Variants in SHISA6 observed in about 807,000 individuals in gnomAD.
SHISA6 encodes the protein protein shisa-6.
In SHISA6, 22 loss-of-function variants were observed where a neutral mutation model predicts 47.9. The observed-to-expected ratio is 0.46, with a 90% CI of 0.33 to 0.66. SHISA6 has a LOEUF of 0.66. Ranked by LOEUF, SHISA6 falls within the 30% of genes least tolerant of loss-of-function variation. The pLI is 0.02. For synonymous variants in SHISA6, 388 were observed against 337.8 expected (o/e 1.15, Z -1.63); for missense variants, 680 against 764.6 (o/e 0.89, Z 1.30).
rs562919042 is a variant in SHISA6, at chr17:11,533,778, G to C, written c.896-18118G>C. 4.7e-5 allele frequency among the ~76,000 whole-genome samples: 7 copies of C among 149,794 alleles called. No homozygotes were observed. In the East Asian group the frequency reaches 1.4e-3, roughly 31 times the overall value. On this transcript the variant is annotated intron_variant, in intron 3 of 5. Coordinates refer to ENST00000441885, the MANE Select transcript of SHISA6 (RefSeq NM_207386.4). ...TGGCTAATTTTTTGTATTTTTAGTA[G>C]AGACGGGGTTTCACTGTGTTAGCCA...
At position 11,362,917 on chromosome 17, in the gene SHISA6, G is replaced by A. The variant is rs1343972935; in HGVS notation, c.800-16497G>A. Among the ~76,000 whole-genome samples, 5 of 152,172 alleles carry A rather than the reference G, an allele frequency of 3.3e-5. No homozygotes were observed. In the East Asian group the frequency reaches 9.6e-4, roughly 29 times the overall value. ...TTTTACTTAAATTGCTCTGTTAGAA[G>A]GAGTTCTGAACCTTAAACTCCTTGT... On this transcript the variant is annotated intron_variant, in intron 2 of 5. Transcript: ENST00000441885.
At chr17:11,347,330 G>T (rs895576821) in intron 2 of SHISA6, among the ~76,000 whole-genome samples, 4 of 152,134 alleles carry the variant, frequency 2.6e-5, no homozygotes, top group African/African-American at 9.7e-5. Context: ...AGAACCAGGG[G>T]AGTAGAAAAG....
intron 1 of SHISA6, among the ~76,000 whole-genome samples, chr17:11,253,810 G>A (rs1003824312): frequency 1.3e-5 from 2 of 151,966 alleles, no homozygotes; most frequent in African/African-American, 2.4e-5. Context: ...TATAAACTTC[G>A]CCACATCCTT....
At chr17:11,488,075 A>G (rs1174780037) in intron 3 of SHISA6, among the ~76,000 whole-genome samples, 1 of 152,230 alleles carries the variant, frequency 6.6e-6, no homozygotes, top group African/African-American at 2.4e-5. Flanking sequence ...CCCAAGGAGC[A>G]TTACGTTTCC....
intron 2 of SHISA6, among the ~76,000 whole-genome samples, chr17:11,305,984 CCTT>C (rs924040289): frequency 2.0e-5 from 3 of 152,128 alleles, no homozygotes; most frequent in African/African-American, 7.2e-5. Flanking sequence ...CTGTGCGTAC[CCTT>C]CTTCTTACAA....
At chr17:11,507,757 C>T (rs1252110158) in intron 3 of SHISA6, among the ~76,000 whole-genome samples, 1 of 152,190 alleles carries the variant, frequency 6.6e-6, no homozygotes, top group Non-Finnish European at 1.5e-5. Flanking sequence ...TCTCTTGCCA[C>T]TAACTTGAAA....
intron 2 of SHISA6, among the ~76,000 whole-genome samples, chr17:11,332,509 A>C (rs1179586170): frequency 6.6e-6 from 1 of 152,186 alleles, no homozygotes; most frequent in Non-Finnish European, 1.5e-5. Flanking sequence ...TGTCAGTCGT[A>C]AAATAAACAC....
intron 2 of SHISA6, among the ~76,000 whole-genome samples, chr17:11,360,619 G>A (rs998720041): frequency 2.6e-5 from 4 of 151,526 alleles, no homozygotes; most frequent in Non-Finnish European, 4.4e-5. Context: ...ATCACACACC[G>A]GGGCCTGTCC....
intron 2 of SHISA6, among the ~76,000 whole-genome samples, chr17:11,342,196 A>G (rs1199497829): frequency 6.6e-6 from 1 of 152,162 alleles, no homozygotes; most frequent in Non-Finnish European, 1.5e-5. Flanking sequence ...GGTGTCTAAC[A>G]TAAAAGTGAG....
At chr17:11,323,608 C>T (rs1266221413) in intron 2 of SHISA6, among the ~76,000 whole-genome samples, 3 of 151,854 alleles carry the variant, frequency 2.0e-5, no homozygotes, top group Admixed American at 2.0e-4. Flanking sequence ...GAGCCGAGAT[C>T]GCGCCATTGC....
intron 3 of SHISA6, among the ~76,000 whole-genome samples, chr17:11,427,361 A>G (rs548195144): frequency 1.1e-4 from 17 of 152,040 alleles, no homozygotes; most frequent in Admixed American, 9.2e-4. Flanking sequence ...TCTTGAACTC[A>G]TGACCTTGTG....
intron 3 of SHISA6, among the ~76,000 whole-genome samples, chr17:11,487,143 C>T (rs1312019379): frequency 5.3e-5 from 8 of 152,178 alleles, no homozygotes; most frequent in Non-Finnish European, 2.9e-5. Context: ...AACACAGGCA[C>T]CCCTGTTCAC....
At chr17:11,493,864 A>G (rs1254990972) in intron 3 of SHISA6, among the ~76,000 whole-genome samples, 1 of 152,158 alleles carries the variant, frequency 6.6e-6, no homozygotes, top group Non-Finnish European at 1.5e-5. Context: ...TTGTACACGC[A>G]CAAAGTCATT....
chr17:11,445,877 G>T (rs1304759776), intron 3 of SHISA6, among the ~76,000 whole-genome samples: 1 of 152,156 alleles, frequency 6.6e-6, no homozygotes, highest in Non-Finnish European at 1.5e-5. Flanking sequence ...GCCCAGGCTG[G>T]AGGGCAGTGG....
At chr17:11,314,596 C>T (rs936146154) in intron 2 of SHISA6, among the ~76,000 whole-genome samples, 6 of 149,820 alleles carry the variant, frequency 4.0e-5, no homozygotes, top group South Asian at 2.1e-4. Context: ...AGTACAATGG[C>T]ACAGTCTCGG....
intron 3 of SHISA6, among the ~76,000 whole-genome samples, chr17:11,481,696 T>C (rs1916228527): frequency 1.3e-5 from 2 of 151,914 alleles, no homozygotes; most frequent in African/African-American, 4.8e-5. Context: ...TTTCACCATG[T>C]TGATCAGGCT....
intron 3 of SHISA6, among the ~76,000 whole-genome samples, chr17:11,481,488 C>G (rs1916218294): frequency 2.9e-5 from 4 of 139,218 alleles, no homozygotes; most frequent in South Asian, 2.3e-4. Flanking sequence ...AAATGACAAA[C>G]TGAAGTTTGT....
chr17:11,486,037 A>G (rs1916339911), intron 3 of SHISA6, among the ~76,000 whole-genome samples: 2 of 152,180 alleles, frequency 1.3e-5, no homozygotes, highest in African/African-American at 4.8e-5. Context: ...AACTGCTGTA[A>G]GAAGCAAACA....
At chr17:11,498,426 C>T (rs377112302) in intron 3 of SHISA6, among the ~76,000 whole-genome samples, 2 of 152,038 alleles carry the variant, frequency 1.3e-5, no homozygotes, top group East Asian at 1.9e-4. Context: ...AGAGTTACAT[C>T]GAAGGAATAT....
Sources: gnomAD v4.1 joint callset for allele counts (sites outside exome capture counted in the v4.1 genomes callset) on GRCh38, gnomAD v4.1.1 for gene constraint, MANE v1.5 for transcripts, NCBI Gene and HGNC (gene_info 2026-07-23, HGNC 2026-07-21) for gene names.